PRKAR1B: variants seen among roughly 807,000 people sequenced by gnomAD.
PRKAR1B encodes the protein cAMP-dependent protein kinase type I-beta regulatory subunit.
A neutral mutation model predicts 46.5 loss-of-function variants in PRKAR1B; 22 were observed. The ratio of observed to expected loss-of-function variants is 0.47; its 90% CI spans 0.34 to 0.68. The LOEUF (loss-of-function observed/expected upper bound fraction) is 0.68. PRKAR1B is among the 30% of genes least tolerant of loss of function. The pLI is 0.01. For synonymous variants in PRKAR1B, 259 were observed against 217.7 expected (o/e 1.19, Z -1.67); for missense variants, 445 against 535.6 (o/e 0.83, Z 1.67).
At chr7:715,668 A>G (rs1468437088) in intron 1 of PRKAR1B, among the ~76,000 whole-genome samples, 2 of 151,958 alleles carry the variant, frequency 1.3e-5, no homozygotes, top group East Asian at 3.9e-4. Context: ...TCATGACTAA[A>G]TGTACTTACA....
At chr7:649,644 T>G (rs1333026148) in intron 4 of PRKAR1B, among the ~76,000 whole-genome samples, 1 of 152,108 alleles carries the variant, frequency 6.6e-6, no homozygotes, top group Non-Finnish European at 1.5e-5. Flanking sequence ...GTGACGACCC[T>G]GGGTCACTGC....
Position 727,007 on chromosome 7 carries a change from C to T in PRKAR1B, c.-23+203G>A, listed in dbSNP as rs1006238830. 2.4e-6 allele frequency: 3 copies of T among 1,239,556 alleles called. No individual in the cohort carries two copies. The highest frequency in any genetic ancestry group is 3.2e-5 in the African/African-American group (2 of 62,444). The allele number at this position is 1,239,556 out of a possible 1,614,324, so 76.8% of individuals were successfully genotyped here. Reference sequence around the variant, plus strand: ...CCCGCCGAGGGCTGCCGCGCGCTGGCAGTGCACCTGCTGGATCTGGGCCTG... The same window carrying T: ...CCCGCCGAGGGCTGCCGCGCGCTGGTAGTGCACCTGCTGGATCTGGGCCTG... On this transcript the variant is annotated intron_variant, in intron 1 of 10. Transcript: ENST00000537384.
chr7:712,941 A>T (rs1780739419), intron 1 of PRKAR1B: 2 of 152,278 alleles, frequency 1.3e-5, no homozygotes, highest in South Asian at 4.1e-4. Context: ...GCGGCCAGAG[A>T]GGGTGGCCAG....
At chr7:664,185 G>A (rs953170602) in intron 4 of PRKAR1B, among the ~76,000 whole-genome samples, 6 of 152,166 alleles carry the variant, frequency 3.9e-5, no homozygotes, top group African/African-American at 9.7e-5. Flanking sequence ...CCTCACACCC[G>A]CTGGCAGGCG....
chr7:707,208 G>T (rs1203175547), intron 2 of PRKAR1B, among the ~76,000 whole-genome samples: 1 of 152,178 alleles, frequency 6.6e-6, no homozygotes, highest in African/African-American at 2.4e-5. Flanking sequence ...TGTAGAACAC[G>T]CATGCAACTT....
intron 8 of PRKAR1B, among the ~76,000 whole-genome samples, chr7:582,159 G>A (rs1780221348): frequency 8.1e-6 from 1 of 124,032 alleles, no homozygotes; most frequent in Non-Finnish European, 1.8e-5. Flanking sequence ...GCGTGCACCT[G>A]CCCAGGGGGG....
chr7:556,959 C>T (rs576467489), intron 9 of PRKAR1B, among the ~76,000 whole-genome samples: 7 of 152,326 alleles, frequency 4.6e-5, no homozygotes, highest in African/African-American at 1.2e-4. Context: ...GTGAACTAGA[C>T]GCGGCCACTC....
At chr7:619,181 C>A (rs78126106) in intron 4 of PRKAR1B, among the ~76,000 whole-genome samples, 1 of 152,086 alleles carries the variant, frequency 6.6e-6, no homozygotes, top group African/African-American at 2.4e-5. Flanking sequence ...AAGAGTCGGA[C>A]GAAAGCACAG....
chr7:615,710 C>T (rs1294593726), intron 4 of PRKAR1B, among the ~76,000 whole-genome samples: 23 of 150,280 alleles, frequency 1.5e-4, no homozygotes, highest in African/African-American at 5.1e-4. Context: ...CGCCTGTAGT[C>T]CCAGCTACTC....
At chr7:692,927 G>C (rs894925978) in intron 2 of PRKAR1B, among the ~76,000 whole-genome samples, 5 of 151,982 alleles carry the variant, frequency 3.3e-5, no homozygotes, top group Admixed American at 2.6e-4. Flanking sequence ...TGTTTGAGCA[G>C]GTGAGTGGGA....
At chr7:585,402 T>A (rs192878996) in intron 7 of PRKAR1B, among the ~76,000 whole-genome samples, 1 of 152,230 alleles carries the variant, frequency 6.6e-6, no homozygotes, top group Non-Finnish European at 1.5e-5. Flanking sequence ...GATTCAGCAC[T>A]GCACATTCCA....
chr7:680,466 G>A, intron 3 of PRKAR1B, 90 bp downstream of exon 3: 2 of 1,296,660 alleles, frequency 1.5e-6, no homozygotes, highest in Non-Finnish European at 2.1e-6. Flanking sequence ...CCAGGAGGAT[G>A]AGGGTGCCCC....
intron 2 of PRKAR1B, chr7:691,851 C>A: frequency 8.6e-7 from 1 of 1,166,856 alleles, no homozygotes; most frequent in Non-Finnish European, 1.1e-6. Context: ...ACTCTCCGGT[C>A]ACCATGACAA....
At chr7:715,003 T>C (rs1300350832) in intron 1 of PRKAR1B, among the ~76,000 whole-genome samples, 1 of 151,956 alleles carries the variant, frequency 6.6e-6, no homozygotes, top group Admixed American at 6.6e-5. Context: ...CTGGGCAACA[T>C]AGCGAAACCC....
intron 1 of PRKAR1B, among the ~76,000 whole-genome samples, chr7:713,834 C>G (rs1216713163): frequency 6.6e-6 from 1 of 152,246 alleles, no homozygotes; most frequent in Admixed American, 6.5e-5. Context: ...GTAAACCAAG[C>G]AGGCCACCCT....
At chr7:582,446 G>A (rs1298103959) in intron 8 of PRKAR1B, among the ~76,000 whole-genome samples, 1 of 152,272 alleles carries the variant, frequency 6.6e-6, no homozygotes, top group Non-Finnish European at 1.5e-5. Flanking sequence ...AGGACTTTGT[G>A]CCGATGCTGA....
intron 9 of PRKAR1B, among the ~76,000 whole-genome samples, chr7:574,166 G>A (rs1043832910): frequency 5.3e-5 from 8 of 152,250 alleles, no homozygotes; most frequent in Non-Finnish European, 1.2e-4. Flanking sequence ...GAGGGGCCTT[G>A]CTCTGCAGTG....
intron 4 of PRKAR1B, among the ~76,000 whole-genome samples, chr7:634,034 G>GT (rs976942538): frequency 2.6e-5 from 4 of 151,946 alleles, no homozygotes; most frequent in African/African-American, 9.7e-5. Flanking sequence ...AATAAATTTT[G>GT]TTTTTTTAAA....
intron 4 of PRKAR1B, among the ~76,000 whole-genome samples, chr7:635,738 C>T (rs1003314670): frequency 6.6e-6 from 1 of 152,096 alleles, no homozygotes; most frequent in African/African-American, 2.4e-5. Flanking sequence ...GGGGAAGCCT[C>T]AGGTTTTCTG....
Sources: allele counts gnomAD v4.1 joint callset (sites outside exome capture counted in the v4.1 genomes callset), GRCh38; gene constraint gnomAD v4.1.1; transcripts MANE v1.5; gene names NCBI Gene and HGNC (gene_info 2026-07-23, HGNC 2026-07-21).